SPTAN1: variants seen among roughly 807,000 people sequenced by gnomAD.
SPTAN1 encodes the protein spectrin alpha, non-erythrocytic 1, also known as spectrin alpha chain, non-erythrocytic 1.
SPTAN1 carries 61 observed loss-of-function variants against 331.3 expected under a neutral mutation model. The observed-to-expected ratio is 0.18, with a 90% CI of 0.15 to 0.23. The LOEUF is 0.23. SPTAN1 is among the 10% of genes least tolerant of loss of function. The pLI, the probability that SPTAN1 is intolerant of heterozygous loss-of-function variation, is 1.00. For synonymous variants in SPTAN1, 1,153 were observed against 1,173.9 expected, an observed-to-expected ratio of 0.98 and a Z score of 0.36; for missense variants, 2,043 against 3,147.9, an observed-to-expected ratio of 0.65 and a Z score of 8.40.
At position 128,577,554 on chromosome 9, in the gene SPTAN1, T is replaced by G; in HGVS notation, c.1085+48T>G. The G allele has an allele frequency of 1.2e-6, 2 of 1,611,036 alleles. No homozygotes were observed. The highest frequency in any genetic ancestry group is 1.7e-6 in the Non-Finnish European group (2 of 1,179,476). The stretch of plus-strand genomic sequence containing the variant: ...TAACCAGTATCATTTGGCTTCTTTT[T>G]TGGAAGCAGGAATAGCAGAGTTAAG... On this transcript the variant is annotated intron_variant, in intron 8 of 56. Transcript: ENST00000372739. This position sits in a 1 kb window ranked among gnomAD's most constrained non-coding sequence, Gnocchi z 4.2.
chr9:128,572,992 C>T (rs1850905034), intron 3 of SPTAN1, among the ~76,000 whole-genome samples: 1 of 152,210 alleles, frequency 6.6e-6, no homozygotes, highest in African/African-American at 2.4e-5. Flanking sequence ...ACACTTGTTT[C>T]TAAGAGAATC....
chr9:128,597,629 CTTTT>C (rs1854484286), intron 24 of SPTAN1, among the ~76,000 whole-genome samples: 1 of 151,926 alleles, frequency 6.6e-6, no homozygotes, highest in Non-Finnish European at 1.5e-5. Flanking sequence ...ATCCTTATAG[CTTTT>C]TTTGTTTGTT....
intron 21 of SPTAN1, among the ~76,000 whole-genome samples, chr9:128,589,615 G>A (rs1184431315): frequency 5.3e-5 from 6 of 113,846 alleles, no homozygotes; most frequent in Non-Finnish European, 1.0e-4. Flanking sequence ...TTGCTCTGTC[G>A]TCCAGGTTGC....
At chr9:128,584,889 T>A in intron 18 of SPTAN1, 46 bp downstream of exon 18, 1 of 1,613,754 alleles carries the variant, frequency 6.2e-7, no homozygotes, top group Non-Finnish European at 8.5e-7. Flanking sequence ...GCTCCTCGTG[T>A]CTCCCCTTCT....
At chr9:128,582,970 G>A (rs1037786249) in intron 14 of SPTAN1, 107 bp from the exon 15 acceptor site, 8 of 1,578,180 alleles carry the variant, frequency 5.1e-6, no homozygotes, top group Admixed American at 1.7e-5. Flanking sequence ...CTTAATGTAA[G>A]CCAACTGTTT....
chr9:128,593,352 G>A, intron 23 of SPTAN1: 1 of 440,436 alleles, frequency 2.3e-6, no homozygotes, highest in Non-Finnish European at 4.2e-6. Flanking sequence ...CTGTTCTATA[G>A]TTTTCCTTAG....
chr9:128,566,388 A>T (rs1028319168), intron 1 of SPTAN1, among the ~76,000 whole-genome samples: 2 of 152,100 alleles, frequency 1.3e-5, no homozygotes, highest in Non-Finnish European at 2.9e-5. Flanking sequence ...CTTAGCAGTG[A>T]TTATTTGAAT....
chr9:128,611,028 C>T (rs1055097707), intron 37 of SPTAN1, among the ~76,000 whole-genome samples: 26 of 152,180 alleles, frequency 1.7e-4, no homozygotes, highest in African/African-American at 6.0e-4. Context: ...TCATTACAGC[C>T]TGTCTCCAAT....
chr9:128,605,764 G>A (rs539784925), intron 31 of SPTAN1, among the ~76,000 whole-genome samples: 1 of 152,206 alleles, frequency 6.6e-6, no homozygotes, highest in East Asian at 1.9e-4. Flanking sequence ...GGCCAAGGCG[G>A]GCAGATCACC....
chr9:128,617,912 C>T, intron 42 of SPTAN1, 75 bp from the exon 43 acceptor site: 1 of 1,613,296 alleles, frequency 6.2e-7, no homozygotes, highest in African/African-American at 1.3e-5. Flanking sequence ...GATGTTGAGG[C>T]CTTTTCCTGG....
Position 128,605,403 on chromosome 9 carries a change from G to C in SPTAN1, c.3972G>C (p.Leu1324=). The C allele has an allele frequency of 6.2e-7, 1 of 1,614,198 alleles. No homozygotes were observed. The part of the protein sequence containing the change: ...CTELNQAWSS[L]GKRADQRKAK... The stretch of plus-strand genomic sequence containing the variant: ...AGTTAAACCAGGCCTGGAGCAGCCT[G>C]GGGAAACGTGCAGATCAGCGCAAGG... Residue 1324 remains leucine, a synonymous_variant, in exon 31 of 57, where the codon CTG becomes CTC. Coordinates refer to ENST00000372739, the MANE Select transcript of SPTAN1 (RefSeq NM_001130438.3).
chr9:128,571,009 A>G (rs1003510405), intron 3 of SPTAN1, among the ~76,000 whole-genome samples: 12 of 152,202 alleles, frequency 7.9e-5, no homozygotes, highest in Non-Finnish European at 1.0e-4. Flanking sequence ...CTGGCCGGGC[A>G]TGGGGCTCAC....
At chr9:128,602,842 G>A (rs548094775) in intron 27 of SPTAN1, among the ~76,000 whole-genome samples, 6 of 151,704 alleles carry the variant, frequency 4.0e-5, no homozygotes. Context: ...CACCATGTTG[G>A]TCAGGCTGGT....
At position 128,569,503 on chromosome 9, in the gene SPTAN1, C is replaced by T. The variant is rs922764032; in HGVS notation, c.363+606C>T. On this transcript the variant is annotated intron_variant, in intron 3 of 56. Transcript: ENST00000372739. ...GGTAGTAATTGATCTTTCTCTGCTT[C>T]GTTTCACATATCTAGTATGAAGATA... Among the ~76,000 whole-genome samples the T allele has an allele frequency of 4.6e-5, 7 of 151,018 alleles. No homozygotes were observed. In the East Asian group the frequency reaches 9.6e-4, roughly 21 times the overall value.
In SPTAN1 at chr9:128,615,853, AG is replaced by A; in HGVS notation, c.5357+14del. ...AGTCCTGGATCAAGTATGTCTTCTC[AG>A]CCCTCTAGAAGGCCCCTTACGCCTG... is the stretch of plus-strand genomic sequence containing the variant. On this transcript the variant is annotated intron_variant, in intron 41 of 56. Coordinates refer to ENST00000372739, the MANE Select transcript of SPTAN1 (RefSeq NM_001130438.3). The A allele has an allele frequency of 6.2e-7, 1 of 1,613,926 alleles. No individual in the cohort carries two copies. Among genetic ancestry groups the A allele is most frequent in the Non-Finnish European group, 8.5e-7 (1 of 1,179,836 alleles).
Position 128,626,749 on chromosome 9 carries a change from C to T in SPTAN1, c.6576+62C>T, listed in dbSNP as rs145747686. 102 of 1,500,530 alleles carry T rather than the reference C, an allele frequency of 6.8e-5. No homozygotes were observed. In the African/African-American group the frequency reaches 1.1e-3, roughly 17 times the overall value. The allele number at this position is 1,500,530 out of a possible 1,614,324, so 93.0% of individuals were successfully genotyped here. Reference sequence around the variant, plus strand: ...CCCAGAGCCCTCTCTGGGCCCTGCTCAGAGCCCACACTTAACTGAGTCACG... The same window carrying T: ...CCCAGAGCCCTCTCTGGGCCCTGCTTAGAGCCCACACTTAACTGAGTCACG... On this transcript the variant is annotated intron_variant, in intron 49 of 56. Coordinates refer to ENST00000372739, the MANE Select transcript of SPTAN1 (RefSeq NM_001130438.3).
At chr9:128,565,891 G>C (rs1316078922) in intron 1 of SPTAN1, among the ~76,000 whole-genome samples, 7 of 152,186 alleles carry the variant, frequency 4.6e-5, no homozygotes, top group Non-Finnish European at 1.0e-4. Flanking sequence ...GAAGAGACTT[G>C]AGAGCACGTC....
Position 128,617,969 on chromosome 9 carries a change from C to T in SPTAN1, c.5479-18C>T, listed in dbSNP as rs1179491237. ...AGAAGAGCTACCTGCTGTTAACCTC[C>T]TCGTCCTTGCCTGTCAGGGTGTCCT... is the stretch of plus-strand genomic sequence containing the variant. On this transcript the variant is annotated intron_variant, in intron 42 of 56. Coordinates refer to ENST00000372739, the MANE Select transcript of SPTAN1 (RefSeq NM_001130438.3). 4 of 1,614,184 alleles carry T rather than the reference C, an allele frequency of 2.5e-6. No homozygotes were observed. The highest frequency in any genetic ancestry group is 1.7e-5 in the Admixed American group (1 of 60,026).
Position 128,605,020 on chromosome 9 carries a change from TG to T in SPTAN1, c.3720-13del. 6.2e-7 allele frequency: 1 copy of T among 1,614,102 alleles called. No individual in the cohort carries two copies. Among genetic ancestry groups the T allele is most frequent in the Admixed American group, 1.7e-5 (1 of 60,016 alleles). On this transcript the variant is annotated splice_polypyrimidine_tract_variant and intron_variant, in intron 29 of 56. Transcript: ENST00000372739. ...TACTTGGCATTTCTTAACCTGAATG[TG>T]TCTCGCCTTTAGAGATGCTGATGAA...
Sources: allele counts gnomAD v4.1 joint callset (sites outside exome capture counted in the v4.1 genomes callset), GRCh38; gene constraint gnomAD v4.1.1; non-coding constraint Gnocchi (gnomAD v3.1); transcripts MANE v1.5; gene names NCBI Gene and HGNC (gene_info 2026-07-23, HGNC 2026-07-21).